The following MTRF1 variants were observed in gnomAD, a reference collection of about 807,000 sequenced individuals.
MTRF1 encodes the protein mitochondrial translation release factor 1.
In MTRF1, 51 loss-of-function variants were observed where a neutral mutation model predicts 62.9. The observed-to-expected ratio is 0.81, with a 90% confidence interval of 0.65 to 1.02. The LOEUF (loss-of-function observed/expected upper bound fraction) is 1.02. Ranked by LOEUF, MTRF1 falls within the 50% of genes least tolerant of loss-of-function variation. The pLI, the probability that MTRF1 is intolerant of heterozygous loss-of-function variation, is 0.00. For synonymous variants in MTRF1, 158 were observed against 181.9 expected (o/e 0.87, Z 1.06); for missense variants, 446 against 530.0 (o/e 0.84, Z 1.56).
the MTRF1 span, among the ~76,000 whole-genome samples, chr13:41,303,677 G>A: frequency 6.6e-6 from 1 of 152,122 alleles, no homozygotes; most frequent in Admixed American, 6.5e-5. Flanking sequence ...GGGACTTGCT[G>A]GGCTGCATTC....
At chr13:41,251,174 T>C (rs1311160319) in intron 5 of MTRF1, among the ~76,000 whole-genome samples, 2 of 152,166 alleles carry the variant, frequency 1.3e-5, no homozygotes, top group Admixed American at 6.5e-5. Context: ...ATCTAGTTAC[T>C]TAGCAAATTA....
At chr13:41,291,569 C>A in the MTRF1 span, among the ~76,000 whole-genome samples, 1 of 152,036 alleles carries the variant, frequency 6.6e-6, no homozygotes, top group Non-Finnish European at 1.5e-5. Flanking sequence ...CCTTCCCCAC[C>A]CCTACTCCCT....
At chr13:41,292,445 G>A in the MTRF1 span, among the ~76,000 whole-genome samples, 29 of 152,050 alleles carry the variant, frequency 1.9e-4, no homozygotes, top group African/African-American at 6.3e-4. Flanking sequence ...TTAGCTGGGC[G>A]TGGTGGGTGC....
At chr13:41,248,006 C>A (rs1370433884) in intron 5 of MTRF1, among the ~76,000 whole-genome samples, 1 of 152,104 alleles carries the variant, frequency 6.6e-6, no homozygotes, top group Admixed American at 6.6e-5. Context: ...CTCAAAAGTT[C>A]TGATTATTTT....
the MTRF1 span, among the ~76,000 whole-genome samples, chr13:41,277,469 G>A: frequency 3.9e-4 from 59 of 152,026 alleles, no homozygotes; most frequent in Non-Finnish European, 6.8e-4. Context: ...GTCTTTATTC[G>A]TGCAGCAGGC....
chr13:41,286,346 G>A, the MTRF1 span, among the ~76,000 whole-genome samples: 94 of 152,282 alleles, frequency 6.2e-4, no homozygotes, highest in East Asian at 9.1e-3. Flanking sequence ...CAGAACACTT[G>A]ATCCACTACA....
intron 3 of MTRF1, among the ~76,000 whole-genome samples, chr13:41,254,013 C>T (rs755819277): frequency 2.2e-4 from 34 of 152,176 alleles, no homozygotes; most frequent in Non-Finnish European, 2.9e-4. Context: ...GGAAATCTTC[C>T]ATTTCCATGT....
intron 5 of MTRF1, among the ~76,000 whole-genome samples, chr13:41,241,248 G>A (rs9532748): frequency 0.049 from 7,388 of 152,248 alleles, 243 homozygotes; most frequent in Middle Eastern, 0.099. Context: ...GTTTCACTAT[G>A]TTGGCCAGGA....
chr13:41,284,178 C>CA, the MTRF1 span, among the ~76,000 whole-genome samples: 1 of 151,386 alleles, frequency 6.6e-6, no homozygotes, highest in Non-Finnish European at 1.5e-5. Context: ...ACCATCTCTA[C>CA]AAAAAAATTA....
At position 41,223,301 on chromosome 13, in the gene MTRF1, A is replaced by G. The variant is rs1780317161; in HGVS notation, c.1179T>C (p.Asp393=). The G allele has an allele frequency of 1.2e-6, 2 of 1,614,084 alleles. No homozygotes were observed. The highest frequency in any genetic ancestry group is 1.7e-6 in the Non-Finnish European group (2 of 1,179,972). ...ERIRTYNFTQ[D]RVSDHRIAYE... ...ATGCTATCCTGTGGTCACTGACTCT[A>G]TCCTGGGTGAAATTATATGTCCGAA... is the stretch of plus-strand genomic sequence containing the variant. The change falls in exon 9 of 10, where the codon GAT becomes GAC. Residue 393 remains aspartate (D), a synonymous_variant. Transcript: ENST00000379480.
rs1177065286 is a variant in MTRF1, at chr13:41,216,764, G to A, written c.*351C>T. 2 of 154,730 alleles carry A rather than the reference G, an allele frequency of 1.3e-5. No individual in the cohort carries two copies. Among genetic ancestry groups the A allele is most frequent in the East Asian group, 3.7e-4 (2 of 5,340 alleles). 9.6% of individuals were successfully genotyped at this position (154,730 alleles called of 1,614,324 possible). The stretch of plus-strand genomic sequence containing the variant: ...CTAAATTTTACCATATTTTCCTGAA[G>A]TAGTAGATTAAAAATATATTTAAAT... On this transcript the variant is annotated 3_prime_UTR_variant, in exon 10 of 10. Coordinates refer to ENST00000379480, the MANE Select transcript of MTRF1 (RefSeq NM_004294.4).
intron 7 of MTRF1, among the ~76,000 whole-genome samples, chr13:41,230,563 CTTT>C (rs74788525): frequency 7.6e-6 from 1 of 131,392 alleles, no homozygotes; most frequent in Non-Finnish European, 1.7e-5. Flanking sequence ...TGCACCGGGC[CTTT>C]TTTTTTTTTT....
the MTRF1 span, among the ~76,000 whole-genome samples, chr13:41,301,964 A>G: frequency 9.2e-5 from 14 of 152,226 alleles, no homozygotes; most frequent in African/African-American, 3.1e-4. Context: ...AGGGAGTCTT[A>G]AGACAATTGT....
intron 9 of MTRF1, 107 bp downstream of exon 9, chr13:41,223,149 T>A: frequency 1.6e-6 from 1 of 644,878 alleles, no homozygotes; most frequent in South Asian, 4.0e-5. Flanking sequence ...TTTAAATTAC[T>A]TGGTAATATT....
chr13:41,307,302 G>A, the MTRF1 span, among the ~76,000 whole-genome samples: 2 of 152,116 alleles, frequency 1.3e-5, no homozygotes, highest in Non-Finnish European at 1.5e-5. Flanking sequence ...TCATGATAGT[G>A]AGTGAGTTCT....
the MTRF1 span, among the ~76,000 whole-genome samples, chr13:41,279,556 C>T: frequency 1.3e-5 from 2 of 152,274 alleles, no homozygotes; most frequent in Middle Eastern, 3.4e-3. Context: ...CAAATTATTA[C>T]CTAAGGGGTG....
chr13:41,274,983 T>C, the MTRF1 span, among the ~76,000 whole-genome samples: 18 of 152,216 alleles, frequency 1.2e-4, no homozygotes, highest in African/African-American at 4.3e-4. Context: ...TATAGCATTC[T>C]GTTTTTAGTT....
Position 41,240,336 on chromosome 13 carries a change from C to A in MTRF1, c.795G>T (p.Glu265Asp). Residue 265 changes from glutamate (E) to aspartate (D), a missense_variant, in exon 6 of 10, where the codon GAG becomes GAT. Physicochemically the swap from Glu to Asp is conservative, Grantham distance 45. Coordinates refer to ENST00000379480, the MANE Select transcript of MTRF1 (RefSeq NM_004294.4). ...GGIHRVQRIP[E>D]VGLSSRMQRI... ...GCTGCATCCTTGAGGACAGGCCCAC[C>A]TCGGGGATGCGCTGAACTCGGTGAA... 4 of 1,613,976 alleles carry A rather than the reference C, an allele frequency of 2.5e-6. No individual in the cohort carries two copies. The highest frequency in any genetic ancestry group is 3.4e-6 in the Non-Finnish European group (4 of 1,179,934).
chr13:41,287,459 A>G, the MTRF1 span, among the ~76,000 whole-genome samples: 1 of 152,228 alleles, frequency 6.6e-6, no homozygotes, highest in Non-Finnish European at 1.5e-5. Context: ...ACATTTCAAC[A>G]TAAGATTTGG....
Sources: allele counts gnomAD v4.1 joint callset (sites outside exome capture counted in the v4.1 genomes callset), GRCh38; gene constraint gnomAD v4.1.1; transcripts MANE v1.5; gene names NCBI Gene and HGNC (gene_info 2026-07-23, HGNC 2026-07-21).